Variants in RNF130 observed in about 807,000 individuals in gnomAD.
RNF130 encodes the protein ring finger protein 130, also known as E3 ubiquitin-protein ligase RNF130.
A neutral mutation model predicts 44.6 loss-of-function variants in RNF130; 21 were observed. The ratio of observed to expected loss-of-function variants is 0.47; its 90% CI spans 0.33 to 0.68. The LOEUF (loss-of-function observed/expected upper bound fraction) is 0.68, where lower values mean the gene tolerates loss of function less well. Among genes scored for constraint, RNF130 ranks in the 30% least tolerant of loss-of-function variants. The pLI is 0.02. For synonymous variants in RNF130, 214 were observed against 210.4 expected, an observed-to-expected ratio of 1.02 and a Z score of -0.15; for missense variants, 479 against 560.6, an observed-to-expected ratio of 0.85 and a Z score of 1.47.
intron 5 of RNF130, among the ~76,000 whole-genome samples, chr5:179,974,512 G>A (rs565557964): frequency 2.7e-4 from 41 of 152,328 alleles, no homozygotes; most frequent in East Asian, 1.7e-3. Flanking sequence ...AAAAGGAAAC[G>A]TCACGTGGCA....
chr5:179,985,962 TCTC>T (rs1762942149), intron 3 of RNF130, among the ~76,000 whole-genome samples: 1 of 152,228 alleles, frequency 6.6e-6, no homozygotes, highest in Non-Finnish European at 1.5e-5. Context: ...AAAAGCTACT[TCTC>T]CTGTTATCTT....
At chr5:180,067,350 T>C (rs1037190129) in intron 1 of RNF130, among the ~76,000 whole-genome samples, 5 of 152,166 alleles carry the variant, frequency 3.3e-5, no homozygotes, top group African/African-American at 1.2e-4. Flanking sequence ...ATCAAATATA[T>C]GTTACATATG....
intron 6 of RNF130, 89 bp from the exon 7 acceptor site, chr5:179,967,099 G>A: frequency 8.2e-7 from 1 of 1,212,512 alleles, no homozygotes; most frequent in Non-Finnish European, 1.2e-6. Flanking sequence ...TTGACGCCCT[G>A]TTGCAAAGAC....
chr5:179,965,251 C>T (rs1402385134), intron 7 of RNF130, among the ~76,000 whole-genome samples: 2 of 152,216 alleles, frequency 1.3e-5, no homozygotes, highest in African/African-American at 4.8e-5. Context: ...GGCCTGGCTA[C>T]CTCTGCCCCC....
chr5:180,030,543 T>C (rs1764110503), intron 2 of RNF130, among the ~76,000 whole-genome samples: 1 of 152,126 alleles, frequency 6.6e-6, no homozygotes, highest in Admixed American at 6.5e-5. Context: ...GGTGTTTTAT[T>C]TTTGTTTTTT....
intron 7 of RNF130, among the ~76,000 whole-genome samples, chr5:179,930,145 C>T (rs1430504972): frequency 2.0e-5 from 3 of 152,052 alleles, no homozygotes; most frequent in East Asian, 1.9e-4. Flanking sequence ...GCGACCTCTG[C>T]CCCCCGGGTT....
At position 180,040,447 on chromosome 5, in the gene RNF130, G is replaced by T. The variant is rs1561703282; in HGVS notation, c.442+6C>A. 1 of 1,599,812 alleles carries T rather than the reference G, an allele frequency of 6.3e-7. No individual in the cohort carries two copies. Among genetic ancestry groups the T allele is most frequent in the Admixed American group, 1.7e-5 (1 of 57,490 alleles). On this transcript the variant is annotated splice_donor_region_variant and intron_variant, in intron 2 of 8. Coordinates refer to ENST00000521389, the MANE Select transcript of RNF130 (RefSeq NM_018434.6). The stretch of plus-strand genomic sequence containing the variant: ...AACAAAATCAACAACCCTCATTTTT[G>T]TTTACCTGGATGAGTCATGGTAACT...
At chr5:179,918,821 C>T (rs1163487436) in exon 8 of RNF130, 2 of 152,250 alleles carry the variant, frequency 1.3e-5, no homozygotes, top group Non-Finnish European at 2.9e-5. Context: ...TGAAGCCTGT[C>T]CCCATCCGGG....
intron 1 of RNF130, among the ~76,000 whole-genome samples, chr5:180,043,273 T>C (rs1186917322): frequency 1.3e-5 from 2 of 152,212 alleles, no homozygotes; most frequent in Non-Finnish European, 2.9e-5. Context: ...TACAGTGAAC[T>C]ATGATCATGT....
At position 179,927,511 on chromosome 5, in the gene RNF130, G is replaced by A. The variant is rs558499197; in HGVS notation, c.1151-7085C>T. ...CGCCCTACAAGTCCCTCCAGTGACCGCCCAATCACTATGTCCTCTCTCCCC... is the reference window on the plus strand; with the variant it reads ...CGCCCTACAAGTCCCTCCAGTGACCACCCAATCACTATGTCCTCTCTCCCC... On this transcript the variant is annotated intron_variant, in intron 7 of 7. Coordinates refer to the RNF130 transcript ENST00000522208. 6.0e-5 allele frequency among the ~76,000 whole-genome samples: 9 copies of A among 150,980 alleles called. No homozygotes were observed. The South Asian group carries it at 1.0e-3, about 18-fold the overall frequency.
rs58518365 is a variant in RNF130, at chr5:179,989,221, T to C, written c.694-9021A>G. 4.2e-3 allele frequency among the ~76,000 whole-genome samples: 636 copies of C among 152,276 alleles called. 18 individuals carry two copies. The East Asian group carries it at 0.06, about 14-fold the overall frequency. On this transcript the variant is annotated intron_variant, in intron 3 of 8. Transcript: ENST00000521389. ...CTCACTCTCTATCACGAGAACAACA[T>C]GGAGTTAACCACCCTCATGATTCAG...
At chr5:179,931,979 A>ACC (rs1206251338) in intron 7 of RNF130, among the ~76,000 whole-genome samples, 7 of 152,202 alleles carry the variant, frequency 4.6e-5, no homozygotes, top group Non-Finnish European at 7.3e-5. Flanking sequence ...AGGAGCCAAG[A>ACC]CAATAGGGGT....
intron 3 of RNF130, among the ~76,000 whole-genome samples, chr5:180,012,033 A>G (rs1763606578): frequency 6.6e-6 from 1 of 152,072 alleles, no homozygotes; most frequent in Non-Finnish European, 1.5e-5. Flanking sequence ...GCGTTTGGGT[A>G]TTTTATATCT....
chr5:180,023,112 A>G (rs185838103), intron 2 of RNF130, among the ~76,000 whole-genome samples: 73 of 152,370 alleles, frequency 4.8e-4, no homozygotes, highest in Non-Finnish European at 9.1e-4. Context: ...GTGGGAGTTT[A>G]GTGATAAGAA....
chr5:179,920,897 G>C lies in RNF130; in HGVS notation c.1151-471C>G, dbSNP rs111916049. Among the ~76,000 whole-genome samples the C allele has an allele frequency of 1.7e-4, 25 of 151,324 alleles. No individual in the cohort carries two copies. The East Asian group carries it at 3.1e-3, about 19-fold the overall frequency. On this transcript the variant is annotated intron_variant, in intron 7 of 7. Coordinates refer to the RNF130 transcript ENST00000522208. ...CTAATATGCCTATGTTGATCCTTCCGAATTTTTTTCAGTCTTAGACTTTAT... is the reference window on the plus strand; with the variant it reads ...CTAATATGCCTATGTTGATCCTTCCCAATTTTTTTCAGTCTTAGACTTTAT...
chr5:180,031,876 A>G (rs900633102), intron 2 of RNF130, among the ~76,000 whole-genome samples: 4 of 152,250 alleles, frequency 2.6e-5, no homozygotes, highest in African/African-American at 9.6e-5. Flanking sequence ...CTCGCAATAC[A>G]TAAGGATTCT....
At chr5:179,940,818 CTTCT>C (rs895639464) in intron 7 of RNF130, among the ~76,000 whole-genome samples, 25 of 152,056 alleles carry the variant, frequency 1.6e-4, no homozygotes, top group African/African-American at 5.5e-4. Flanking sequence ...GTCTTCTCTC[CTTCT>C]ATGACTTGAA....
At chr5:179,952,783 C>A (rs1046354851), downstream of RNF130, among the ~76,000 whole-genome samples, 4 of 152,102 alleles carry the variant, frequency 2.6e-5, no homozygotes, top group African/African-American at 9.7e-5. Flanking sequence ...CCGACAGAAT[C>A]AAAAACTATT....
At chr5:180,040,749 G>T in intron 1 of RNF130, 102 bp from the exon 2 acceptor site, 2 of 1,052,518 alleles carry the variant, frequency 1.9e-6, no homozygotes, top group Non-Finnish European at 2.7e-6. Context: ...GCTAAAGCAC[G>T]TGAAGCAGCT....
Sources: gnomAD v4.1 joint callset for allele counts (sites outside exome capture counted in the v4.1 genomes callset) on GRCh38, gnomAD v4.1.1 for gene constraint, MANE v1.5 for transcripts, NCBI Gene and HGNC (gene_info 2026-07-23, HGNC 2026-07-21) for gene names.